Variants in ANO4 observed in about 807,000 individuals in gnomAD.
The protein encoded by ANO4 is anoctamin 4, also known as anoctamin-4.
ANO4 carries 69 observed loss-of-function variants against 141.9 expected under a neutral mutation model. That is an observed-to-expected ratio of 0.49 (90% CI 0.40 to 0.59). ANO4 has a LOEUF of 0.59. Among genes scored for constraint, ANO4 ranks in the 20% least tolerant of loss-of-function variants. ANO4 has a pLI of 0.00. For missense variants in ANO4, 894 were observed against 1,162.2 expected (o/e 0.77, Z 3.36); for synonymous variants, 350 against 394.3 (o/e 0.89, Z 1.33).
chr12:101,070,663 A>T (rs1191516144), intron 14 of ANO4, among the ~76,000 whole-genome samples: 2 of 152,208 alleles, frequency 1.3e-5, no homozygotes, highest in African/African-American at 2.4e-5. Flanking sequence ...AAATGGACAA[A>T]TGGGATCACG....
chr12:101,078,978 T>G (rs2136853687), intron 14 of ANO4, among the ~76,000 whole-genome samples: 1 of 152,356 alleles, frequency 6.6e-6, no homozygotes, highest in South Asian at 2.1e-4. Flanking sequence ...CAATTCTAAG[T>G]GAAATCTCTC....
At chr12:100,815,246 T>C (rs1358844993) in intron 1 of ANO4, among the ~76,000 whole-genome samples, 1 of 152,104 alleles carries the variant, frequency 6.6e-6, no homozygotes, top group Non-Finnish European at 1.5e-5. Flanking sequence ...TAAACCTGAA[T>C]TTAAATCTCT....
At chr12:101,029,156 G>A (rs888354961) in intron 9 of ANO4, among the ~76,000 whole-genome samples, 1 of 152,158 alleles carries the variant, frequency 6.6e-6, no homozygotes, top group Non-Finnish European at 1.5e-5. Context: ...CCCCCACGCT[G>A]GCCTTGCAAG....
chr12:101,066,677 G>A (rs569042053), intron 14 of ANO4: 38 of 638,030 alleles, frequency 6.0e-5, no homozygotes, highest in Admixed American at 1.4e-4. Context: ...TGCGGTCGGC[G>A]GCCTCCTCCT....
rs138713661 is a variant in ANO4, at chr12:100,944,067, C to T, written c.456+1532C>T. ...AATGCAAGATTTATATTTTAAGCTT[C>T]ATAAGTATTCTCTACAGGCCTAGGG... On this transcript the variant is annotated intron_variant, in intron 5 of 27. Coordinates refer to ENST00000392977, the MANE Select transcript of ANO4 (RefSeq NM_001286615.2). Among the ~76,000 whole-genome samples, 1,461 of 152,286 alleles carry T rather than the reference C, an allele frequency of 9.6e-3. 9 individuals are homozygous for T. Among genetic ancestry groups the T allele is most frequent in the Middle Eastern group, 0.037 (11 of 294 alleles).
chr12:101,028,801 C>A, intron 9 of ANO4, among the ~76,000 whole-genome samples: 1 of 152,044 alleles, frequency 6.6e-6, no homozygotes, highest in Middle Eastern at 3.2e-3. Flanking sequence ...GGAAGACAGG[C>A]CAATATGCAA....
intron 14 of ANO4, among the ~76,000 whole-genome samples, chr12:101,048,655 T>C (rs2047735831): frequency 6.6e-6 from 1 of 152,204 alleles, no homozygotes; most frequent in African/African-American, 2.4e-5. Flanking sequence ...TACTTTCTGT[T>C]GGACACAGAA....
chr12:101,110,279 AT>A, intron 22 of ANO4, 124 bp from the exon 23 acceptor site: 1 of 975,466 alleles, frequency 1.0e-6, no homozygotes, highest in Non-Finnish European at 1.4e-6. Flanking sequence ...TGGAAGAGAT[AT>A]CCCCTGTGCG....
intron 3 of ANO4, among the ~76,000 whole-genome samples, chr12:100,927,368 C>A (rs645615): frequency 0.23 from 35,486 of 152,010 alleles, 4,737 homozygotes; most frequent in Admixed American, 0.31. Context: ...AAGATTCAAA[C>A]CCTCCATCCA....
intron 5 of ANO4, among the ~76,000 whole-genome samples, chr12:100,954,832 C>T (rs907997963): frequency 3.9e-5 from 6 of 152,152 alleles, no homozygotes; most frequent in Admixed American, 6.5e-5. Flanking sequence ...CTGATGCTAA[C>T]GTTAGGCAAC....
chr12:101,076,620 G>A (rs927532656), intron 14 of ANO4, among the ~76,000 whole-genome samples: 4 of 151,562 alleles, frequency 2.6e-5, no homozygotes, highest in African/African-American at 9.8e-5. Context: ...GGTTGGTAGG[G>A]CGTAGTGAGA....
chr12:100,728,568 T>C (rs1005357093), intron 1 of ANO4, among the ~76,000 whole-genome samples: 2 of 152,208 alleles, frequency 1.3e-5, no homozygotes, highest in African/African-American at 4.8e-5. Context: ...GGGCAAGTTC[T>C]TTAATTTTTT....
At position 100,723,577 on chromosome 12, in the gene ANO4, C is replaced by T. The variant is rs148817867; in HGVS notation, c.22+6030C>T. 1.5e-3 allele frequency among the ~76,000 whole-genome samples: 230 copies of T among 152,162 alleles called. 1 individual carries two copies. In the South Asian group the frequency reaches 0.018, roughly 12 times the overall value. ...ATAGGTCTTGAATATTAACTTTTTT[C>T]GTAAACCTATAAAATACACGGGAAA... On this transcript the variant is annotated intron_variant, in intron 1 of 29. Coordinates refer to the ANO4 transcript ENST00000644049.
At chr12:100,735,940 G>GA (rs2031590586) in intron 2 of ANO4, among the ~76,000 whole-genome samples, 1 of 152,212 alleles carries the variant, frequency 6.6e-6, no homozygotes, top group South Asian at 2.1e-4. Flanking sequence ...GAGATAATAA[G>GA]AGTGAGAATT....
intron 1 of ANO4, among the ~76,000 whole-genome samples, chr12:100,878,194 C>CAGCA (rs923292773): frequency 1.3e-5 from 2 of 152,140 alleles, no homozygotes; most frequent in Non-Finnish European, 2.9e-5. Flanking sequence ...ATGTGACTTG[C>CAGCA]AGCATGGTTG....
At chr12:100,723,160 A>C (rs1329683603) in intron 1 of ANO4, among the ~76,000 whole-genome samples, 5 of 152,186 alleles carry the variant, frequency 3.3e-5, no homozygotes, top group African/African-American at 1.2e-4. Context: ...AATTAAATTA[A>C]AAAATTTTTT....
At chr12:100,971,448 A>G in intron 6 of ANO4, 42 bp downstream of exon 6, 2 of 1,369,286 alleles carry the variant, frequency 1.5e-6, no homozygotes, top group Non-Finnish European at 2.1e-6. Flanking sequence ...CTGCTGCTTC[A>G]CTGTAAATCT....
At chr12:100,913,499 T>C (rs1335327602) in intron 2 of ANO4, among the ~76,000 whole-genome samples, 1 of 151,824 alleles carries the variant, frequency 6.6e-6, no homozygotes, top group Non-Finnish European at 1.5e-5. Context: ...TTATAATTGT[T>C]CTATTTTGTT....
At chr12:100,847,661 C>T (rs540896261) in intron 1 of ANO4, among the ~76,000 whole-genome samples, 32 of 152,086 alleles carry the variant, frequency 2.1e-4, no homozygotes, top group African/African-American at 7.2e-4. Context: ...TTAGTAGAGA[C>T]GGGGTTTCAC....
Sources: allele counts gnomAD v4.1 joint callset (sites outside exome capture counted in the v4.1 genomes callset), GRCh38; gene constraint gnomAD v4.1.1; transcripts MANE v1.5; gene names NCBI Gene and HGNC (gene_info 2026-07-23, HGNC 2026-07-21).